Variants in CCDC40 observed in about 807,000 individuals in gnomAD.
CCDC40 encodes the protein coiled-coil domain-containing protein 40.
CCDC40 carries 104 observed loss-of-function variants against 124.5 expected under a neutral mutation model. That is an observed-to-expected ratio of 0.84 (90% CI 0.71 to 0.98). CCDC40 has a LOEUF of 0.98. Among genes scored for constraint, CCDC40 ranks in the 50% least tolerant of loss-of-function variants. The pLI is 0.00. For synonymous variants in CCDC40, 580 were observed against 602.9 expected, an observed-to-expected ratio of 0.96 and a Z score of 0.56; for missense variants, 1,463 against 1,503.9, an observed-to-expected ratio of 0.97 and a Z score of 0.45.
chr17:80,059,238 T>C (rs1226076239), intron 9 of CCDC40, among the ~76,000 whole-genome samples: 1 of 152,204 alleles, frequency 6.6e-6, no homozygotes, highest in Non-Finnish European at 1.5e-5. Flanking sequence ...AGTCGCTTCA[T>C]GACCGCCAAG....
rs1263696002 is a variant in CCDC40 at position 80,087,460 on chromosome 17, C to G, written c.2450-147C>G. 2 of 708,430 alleles carry G rather than the reference C, an allele frequency of 2.8e-6. No individual in the cohort carries two copies. The highest frequency in any genetic ancestry group is 5.2e-6 in the Non-Finnish European group (2 of 386,702). The allele number at this position is 708,430 out of a possible 1,614,324, so 43.9% of individuals were successfully genotyped here. A position where few individuals can be genotyped will look rare whatever the true frequency, so the allele number is the denominator to read the frequency against. On this transcript the variant is annotated intron_variant, in intron 14 of 19. Coordinates refer to ENST00000397545, the MANE Select transcript of CCDC40 (RefSeq NM_017950.4). The surrounding 1 kb of genome is among the most constrained non-coding windows in gnomAD (Gnocchi z 4.5). The stretch of plus-strand genomic sequence containing the variant: ...TGTCCTGGCAGGGACGAGATTCAGG[C>G]AGGAGCGCCAGGAACGACAAGAGGG...
At chr17:80,070,633 T>C (rs1344358367) in intron 10 of CCDC40, among the ~76,000 whole-genome samples, 2 of 150,918 alleles carry the variant, frequency 1.3e-5, no homozygotes, top group African/African-American at 4.9e-5. Context: ...GGCATGGTGG[T>C]GTGCACCTGT....
chr17:80,071,090 C>G (rs1322896610), intron 10 of CCDC40, among the ~76,000 whole-genome samples: 1 of 152,224 alleles, frequency 6.6e-6, no homozygotes, highest in Admixed American at 6.5e-5. Flanking sequence ...ACGGTCAGCC[C>G]CTTCCCATCA....
intron 11 of CCDC40, 34 bp downstream of exon 11, chr17:80,081,823 G>A (rs1356610943): frequency 2.5e-6 from 4 of 1,613,920 alleles, no homozygotes; most frequent in Non-Finnish European, 3.4e-6. Context: ...GTCACACCTG[G>A]CGCACGGTGG....
At chr17:80,085,189 C>T (rs1052163001) in intron 13 of CCDC40, among the ~76,000 whole-genome samples, 1 of 152,250 alleles carries the variant, frequency 6.6e-6, no homozygotes, top group South Asian at 2.1e-4. Flanking sequence ...GAGAGTATTC[C>T]GGCTTTGTGG....
chr17:80,099,474 G>C, intron 19 of CCDC40, 53 bp from the exon 20 acceptor site: 1 of 1,591,280 alleles, frequency 6.3e-7, no homozygotes, highest in Non-Finnish European at 8.5e-7. Flanking sequence ...GGGCCAGCAG[G>C]TGTCTTTCTT....
chr17:80,090,062 G>C (rs2038670393), intron 17 of CCDC40, 178 bp downstream of exon 17: 1 of 1,536,914 alleles, frequency 6.5e-7, no homozygotes, highest in Admixed American at 2.0e-5. Flanking sequence ...AGAGTGACCT[G>C]CACTCCAGCC....
At chr17:80,060,415 C>T (rs1017412423) in intron 9 of CCDC40, among the ~76,000 whole-genome samples, 4 of 151,822 alleles carry the variant, frequency 2.6e-5, no homozygotes, top group Non-Finnish European at 4.4e-5. Flanking sequence ...AAAACATTAG[C>T]CCACCATGGT....
chr17:80,090,333 ACGTG>A, intron 17 of CCDC40: 4 of 615,006 alleles, frequency 6.5e-6, no homozygotes, highest in Non-Finnish European at 7.3e-6. Context: ...GCGCGCAGGC[ACGTG>A]CACGAACAAG....
At chr17:80,094,516 G>A (rs549030709) in intron 17 of CCDC40, among the ~76,000 whole-genome samples, 19 of 152,178 alleles carry the variant, frequency 1.2e-4, no homozygotes, top group African/African-American at 4.6e-4. Flanking sequence ...CCAACATGGT[G>A]AAACCCCATC....
At chr17:80,094,247 G>GAA (rs56368314) in intron 17 of CCDC40, among the ~76,000 whole-genome samples, 45,402 of 133,210 alleles carry the variant, frequency 0.34, 9,032 homozygotes, top group Middle Eastern at 0.47. Flanking sequence ...TGTCTCTACT[G>GAA]AAAAAAAAAA....
intron 2 of CCDC40, among the ~76,000 whole-genome samples, chr17:80,039,376 TA>T (rs557535373): frequency 6.8e-5 from 10 of 148,024 alleles, no homozygotes; most frequent in African/African-American, 2.5e-4. Context: ...CAAAAAAAAA[TA>T]AAAAAAGAAA....
At chr17:80,097,910 GAAAAGAAAAGAAAAGAAAAGAAAA>G (rs1348541896) in intron 19 of CCDC40, 1 of 20,846 alleles carries the variant, frequency 4.8e-5, no homozygotes, top group Non-Finnish European at 1.0e-4. Flanking sequence ...AAAAAGAAAA[GAAAAGAAAAGAAAAGAAAAGAAAA>G]GAAAAGAAAA....
intron 17 of CCDC40, chr17:80,090,403 A>C (rs2038700072): frequency 3.4e-6 from 3 of 878,662 alleles, no homozygotes; most frequent in African/African-American, 1.9e-5. Flanking sequence ...TGCATGAACA[A>C]CACAGGACAC....
chr17:80,047,730 A>T (rs7212117), intron 4 of CCDC40, among the ~76,000 whole-genome samples: 1 of 151,930 alleles, frequency 6.6e-6, no homozygotes, highest in Non-Finnish European at 1.5e-5. Flanking sequence ...ATCCCCTGAC[A>T]GCCATTTCTC....
intron 9 of CCDC40, among the ~76,000 whole-genome samples, chr17:80,062,780 G>A (rs1044731751): frequency 6.6e-6 from 1 of 152,020 alleles, no homozygotes; most frequent in African/African-American, 2.4e-5. Context: ...TTGTAGAGAC[G>A]GTGTTTCTTT....
chr17:80,080,516 T>C (rs1255065726), intron 10 of CCDC40, among the ~76,000 whole-genome samples: 1 of 152,222 alleles, frequency 6.6e-6, no homozygotes, highest in Admixed American at 6.5e-5. Context: ...GAATTTGAAG[T>C]GGGCCCACTG....
intron 9 of CCDC40, among the ~76,000 whole-genome samples, chr17:80,063,981 A>G (rs1365565182): frequency 6.6e-6 from 1 of 152,200 alleles, no homozygotes; most frequent in African/African-American, 2.4e-5. Context: ...CAGCTGTAAC[A>G]TGTCAGCTAA....
At chr17:80,094,182 C>T (rs546679488) in intron 17 of CCDC40, among the ~76,000 whole-genome samples, 3 of 146,554 alleles carry the variant, frequency 2.0e-5, no homozygotes, top group Non-Finnish European at 3.0e-5. Context: ...GAGGCCGAGG[C>T]GGGTGGATCA....
Sources: gnomAD v4.1 joint callset for allele counts (sites outside exome capture counted in the v4.1 genomes callset) on GRCh38, gnomAD v4.1.1 for gene constraint, Gnocchi (gnomAD v3.1) non-coding constraint, MANE v1.5 for transcripts, NCBI Gene and HGNC (gene_info 2026-07-23, HGNC 2026-07-21) for gene names.